NAV1: variants seen among roughly 807,000 people sequenced by gnomAD.
The protein encoded by NAV1 is neuron navigator 1.
NAV1 carries 18 observed loss-of-function variants against 175.2 expected under a neutral mutation model. The observed-to-expected ratio is 0.10, with a 90% confidence interval of 0.07 to 0.15. The LOEUF is 0.15. NAV1 is among the 10% of genes least tolerant of loss of function. NAV1 has a pLI of 1.00. For synonymous variants in NAV1, 897 were observed against 978.7 expected (o/e 0.92, Z 1.56); for missense variants, 1,731 against 2,436.6 (o/e 0.71, Z 6.10).
At chr1:201,561,883 C>T (rs994886606) in intron 1 of NAV1, among the ~76,000 whole-genome samples, 3 of 152,250 alleles carry the variant, frequency 2.0e-5, no homozygotes, top group African/African-American at 4.8e-5. Context: ...AGGCAGTAAG[C>T]TTGGTCACAG....
At chr1:201,618,607 G>A (rs1161570658), upstream of NAV1, among the ~76,000 whole-genome samples, 4 of 152,078 alleles carry the variant, frequency 2.6e-5, no homozygotes, top group South Asian at 2.1e-4. Flanking sequence ...TATGCTCTCG[G>A]CGGGTGTGGC....
exon 1 of NAV1, chr1:201,648,973 A>T (rs769159870): frequency 6.2e-7 from 1 of 1,613,278 alleles, no homozygotes; most frequent in Non-Finnish European, 8.5e-7. Context: ...GACTCCGAGA[A>T]AAAGCTGCAG....
At chr1:201,563,850 T>A (rs1362273033) in intron 1 of NAV1, among the ~76,000 whole-genome samples, 1 of 152,066 alleles carries the variant, frequency 6.6e-6, no homozygotes, top group Non-Finnish European at 1.5e-5. Flanking sequence ...ATCCCAACAC[T>A]TTGTGAGGCC....
chr1:201,676,446 C>G (rs995448947), intron 1 of NAV1, among the ~76,000 whole-genome samples: 1 of 152,208 alleles, frequency 6.6e-6, no homozygotes, highest in Non-Finnish European at 1.5e-5. Flanking sequence ...TAGGCACAGG[C>G]CCAGCTCTGT....
chr1:201,696,480 C>A (rs1176928625), intron 1 of NAV1, among the ~76,000 whole-genome samples: 1 of 152,180 alleles, frequency 6.6e-6, no homozygotes, highest in Non-Finnish European at 1.5e-5. Flanking sequence ...AAGCATTGGA[C>A]AGGAGCAGTG....
chr1:201,540,977 G>T (rs1665496739), intron 1 of NAV1, among the ~76,000 whole-genome samples: 1 of 152,114 alleles, frequency 6.6e-6, no homozygotes. Context: ...CTTTCCAGGT[G>T]AAAGAGAACA....
At chr1:201,681,360 T>C (rs1196244779) in intron 1 of NAV1, among the ~76,000 whole-genome samples, 1 of 152,234 alleles carries the variant, frequency 6.6e-6, no homozygotes, top group East Asian at 1.9e-4. Flanking sequence ...TTGAGAAAGG[T>C]TAAACAGATT....
chr1:201,649,144 C>T (rs1200384974), exon 1 of NAV1: 2 of 1,611,636 alleles, frequency 1.2e-6, no homozygotes, highest in Non-Finnish European at 1.7e-6. Context: ...GGCGCCAAGA[C>T]CCCCCTGGCT....
intron 3 of NAV1, among the ~76,000 whole-genome samples, chr1:201,731,531 G>A (rs1038826290): frequency 1.3e-5 from 2 of 152,170 alleles, no homozygotes; most frequent in Admixed American, 1.3e-4. Context: ...AGGGGTCTGT[G>A]TCGTACCTTG....
intron 3 of NAV1, chr1:201,723,160 T>C (rs927765010): frequency 6.6e-6 from 1 of 152,230 alleles, no homozygotes; most frequent in African/African-American, 2.4e-5. Context: ...TATCTCATTG[T>C]GGTTTTGATT....
In NAV1 at chr1:201,808,486, A is replaced by G. The variant is rs1678459546; in HGVS notation, c.3914A>G (p.Lys1305Arg). The stretch of plus-strand genomic sequence containing the variant: ...AATGAGGAGGAGGAGCCAGAGAAGA[A>G]GGAGGTATCGGAGCTGCGCTCTGAG... The change falls in exon 19 of 30, where the codon AAG (lysine) becomes AGG (arginine). Residue 1305 changes from lysine to arginine, a missense_variant. By Grantham distance (26) the Lys-to-Arg change is conservative. Transcript: ENST00000367296. This position sits in a 1 kb window ranked among gnomAD's most constrained non-coding sequence, Gnocchi z 5.5. 1 of 1,614,138 alleles carries G rather than the reference A, an allele frequency of 6.2e-7. No homozygotes were observed.
At chr1:201,644,234 A>G (rs1375591316), upstream of NAV1, among the ~76,000 whole-genome samples, 3 of 152,222 alleles carry the variant, frequency 2.0e-5, no homozygotes, top group Non-Finnish European at 4.4e-5. Context: ...GAAGCCTGTC[A>G]TTCTAGAGAA....
chr1:201,700,698 A>G (rs1671378555), intron 1 of NAV1, among the ~76,000 whole-genome samples: 1 of 152,216 alleles, frequency 6.6e-6, no homozygotes, highest in South Asian at 2.1e-4. Flanking sequence ...ATGTCCATCA[A>G]TGATAGACTG....
chr1:201,602,654 TTTTTTTTTTTTGG>T (rs779887508), intron 2 of NAV1, among the ~76,000 whole-genome samples: 1,953 of 124,124 alleles, frequency 0.016, 33 homozygotes, highest in Non-Finnish European at 0.026. Context: ...TTTTTTGGTT[TTTTTTTTTTTTGG>T]TTTTTTTTTT....
At chr1:201,572,229 G>A (rs1194869897) in intron 1 of NAV1, among the ~76,000 whole-genome samples, 1 of 152,122 alleles carries the variant, frequency 6.6e-6, no homozygotes, top group Admixed American at 6.5e-5. Flanking sequence ...GCTTCTGCAG[G>A]GGCCACAGCA....
chr1:201,804,072 T>G (rs1201011865), intron 16 of NAV1: 2 of 484,358 alleles, frequency 4.1e-6, no homozygotes, highest in Non-Finnish European at 7.9e-6. Context: ...TATGGAGAGA[T>G]TTTATGAACA....
intron 15 of NAV1, chr1:201,796,520 G>A (rs1677460401): frequency 6.6e-6 from 1 of 152,186 alleles, no homozygotes; most frequent in African/African-American, 2.4e-5. Flanking sequence ...TAGAGACAGG[G>A]TTTCACCATG....
intron 1 of NAV1, among the ~76,000 whole-genome samples, chr1:201,570,912 C>T (rs2102172503): frequency 6.6e-6 from 1 of 152,376 alleles, no homozygotes; most frequent in East Asian, 1.9e-4. Flanking sequence ...CTGCCGCTGA[C>T]CCTGGTCGCT....
chr1:201,820,820 T>C (rs1230529115), exon 30 of NAV1: 1 of 152,138 alleles, frequency 6.6e-6, no homozygotes, highest in African/African-American at 2.4e-5. Context: ...GTTTCCCTTT[T>C]TTTTTTCTTT....
Sources: gnomAD v4.1 joint callset for allele counts (sites outside exome capture counted in the v4.1 genomes callset) on GRCh38, gnomAD v4.1.1 for gene constraint, Gnocchi (gnomAD v3.1) non-coding constraint, MANE v1.5 for transcripts, NCBI Gene and HGNC (gene_info 2026-07-23, HGNC 2026-07-21) for gene names.